The following RFX4 variants were observed in gnomAD, a reference collection of about 807,000 sequenced individuals.
RFX4 encodes the protein regulatory factor X4.
A neutral mutation model predicts 95.0 loss-of-function variants in RFX4; 10 were observed. That is an observed-to-expected ratio of 0.11 (90% CI 0.06 to 0.18). The LOEUF (loss-of-function observed/expected upper bound fraction) is 0.18. RFX4 is among the 10% of genes least tolerant of loss of function. RFX4 has a pLI of 1.00. For synonymous variants in RFX4, 321 were observed against 340.7 expected, an observed-to-expected ratio of 0.94 and a Z score of 0.64; for missense variants, 640 against 922.0, an observed-to-expected ratio of 0.69 and a Z score of 3.96.
At chr12:106,641,068 AC>A (rs906751291) in intron 3 of RFX4, among the ~76,000 whole-genome samples, 1 of 152,186 alleles carries the variant, frequency 6.6e-6, no homozygotes, top group African/African-American at 2.4e-5. Context: ...GGTGTAAGCC[AC>A]CATGCCTGGC....
intron 4 of RFX4, among the ~76,000 whole-genome samples, chr12:106,665,773 TATA>T (rs2041162925): frequency 6.6e-6 from 1 of 151,666 alleles, no homozygotes; most frequent in African/African-American, 2.4e-5. Context: ...GCGAGCACCT[TATA>T]ATGAGAAAAT....
At chr12:106,665,013 C>T (rs927837175) in intron 4 of RFX4, among the ~76,000 whole-genome samples, 10 of 151,836 alleles carry the variant, frequency 6.6e-5, no homozygotes, top group Non-Finnish European at 1.5e-4. Context: ...CTATTAATGT[C>T]AATTATATTT....
intron 13 of RFX4, among the ~76,000 whole-genome samples, chr12:106,724,885 G>A (rs749895085): frequency 9.9e-5 from 15 of 151,852 alleles, no homozygotes; most frequent in Non-Finnish European, 2.1e-4. Flanking sequence ...GGTGGCGGGT[G>A]CCTATAATCT....
At chr12:106,640,056 G>T (rs1278421481) in intron 3 of RFX4, among the ~76,000 whole-genome samples, 1 of 152,172 alleles carries the variant, frequency 6.6e-6, no homozygotes. Flanking sequence ...AGGAATGACG[G>T]GGAAGGAAAG....
intron 3 of RFX4, 56 bp from the exon 4 acceptor site, chr12:106,654,172 G>A (rs765337663): frequency 1.5e-5 from 24 of 1,611,132 alleles, no homozygotes; most frequent in Admixed American, 8.3e-5. Context: ...AGAACAGACC[G>A]TTCTTGCTTG....
chr12:106,632,937 C>A lies in RFX4; in HGVS notation c.131-6395C>A, dbSNP rs79648500. ...ATTTAATTGGCTGATAATTTATGGC[C>A]TCAAGAGAGCAGTGACTACGTCTGT... On this transcript the variant is annotated intron_variant, in intron 2 of 17. Transcript: ENST00000392842. 6.5e-3 allele frequency among the ~76,000 whole-genome samples: 986 copies of A among 152,314 alleles called. 14 individuals are homozygous for A. The highest frequency in any genetic ancestry group is 0.023 in the African/African-American group (956 of 41,566).
intron 3 of RFX4, chr12:106,646,013 CTT>C: frequency 8.5e-7 from 1 of 1,170,170 alleles, no homozygotes; most frequent in Non-Finnish European, 1.1e-6. Flanking sequence ...GGAACCACAA[CTT>C]TTTTTAAAAA....
intron 4 of RFX4, among the ~76,000 whole-genome samples, chr12:106,664,382 A>G (rs1274486913): frequency 6.6e-6 from 1 of 151,760 alleles, no homozygotes; most frequent in Non-Finnish European, 1.5e-5. Flanking sequence ...TATAATGTCT[A>G]TAAGATCTGT....
At chr12:106,665,187 TTAAGAATC>T (rs1170522900) in intron 4 of RFX4, among the ~76,000 whole-genome samples, 1 of 151,954 alleles carries the variant, frequency 6.6e-6, no homozygotes, top group Non-Finnish European at 1.5e-5. Context: ...CACATGTATA[TTAAGAATC>T]ATTGTGTCTT....
chr12:106,726,803 A>G, intron 13 of RFX4, among the ~76,000 whole-genome samples: 1 of 152,094 alleles, frequency 6.6e-6, no homozygotes, highest in Non-Finnish European at 1.5e-5. Flanking sequence ...ACAGAGTCTC[A>G]CTCTGTTATC....
At chr12:106,641,749 T>C (rs2040627150) in intron 3 of RFX4, among the ~76,000 whole-genome samples, 1 of 152,154 alleles carries the variant, frequency 6.6e-6, no homozygotes, top group African/African-American at 2.4e-5. Flanking sequence ...CAAAGAACAT[T>C]AACGTTTGCT....
rs1179040441 is a variant in RFX4 at position 106,736,380 on chromosome 12, A to C, written c.1633+3295A>C. On this transcript the variant is annotated intron_variant, in intron 15 of 17. Transcript: ENST00000392842. The stretch of plus-strand genomic sequence containing the variant: ...GGTCCTGCTGCAGACCCAATGAATC[A>C]GAAACTCTAGGAGCAGAGCCCAGGA... Among the ~76,000 whole-genome samples the C allele has an allele frequency of 2.0e-5, 3 of 152,214 alleles. No homozygotes were observed. In the East Asian group the frequency reaches 5.8e-4, roughly 29 times the overall value.
chr12:106,684,217 A>C (rs936998075), intron 5 of RFX4, among the ~76,000 whole-genome samples: 1 of 152,134 alleles, frequency 6.6e-6, no homozygotes, highest in Non-Finnish European at 1.5e-5. Context: ...AAATACAAAA[A>C]TTAGCCGGGC....
chr12:106,608,490 G>C (rs981538877), intron 1 of RFX4, among the ~76,000 whole-genome samples: 1 of 152,220 alleles, frequency 6.6e-6, no homozygotes, highest in African/African-American at 2.4e-5. Context: ...TGCTCAGAAA[G>C]ATAATCCTCA....
intron 2 of RFX4, among the ~76,000 whole-genome samples, chr12:106,635,853 A>T (rs966664649): frequency 2.8e-4 from 42 of 152,316 alleles, no homozygotes; most frequent in African/African-American, 1.0e-3. Context: ...TTTCCCTCAG[A>T]GATATAAGGA....
intron 13 of RFX4, among the ~76,000 whole-genome samples, chr12:106,722,380 C>T (rs2042412742): frequency 6.6e-6 from 1 of 152,162 alleles, no homozygotes; most frequent in Admixed American, 6.5e-5. Context: ...GTAGCAGGTG[C>T]CTTTCATTAG....
intron 2 of RFX4, among the ~76,000 whole-genome samples, chr12:106,615,010 G>A (rs759651149): frequency 2.0e-5 from 3 of 151,936 alleles, no homozygotes; most frequent in African/African-American, 7.3e-5. Context: ...TTTAATTAAT[G>A]TTTTTCTTTT....
In RFX4 at chr12:106,717,174, T is replaced by A. The variant is rs1013186788; in HGVS notation, c.1138+1630T>A. Among the ~76,000 whole-genome samples the A allele has an allele frequency of 3.3e-5, 5 of 152,066 alleles. No homozygotes were observed. The East Asian group carries it at 9.6e-4, about 29-fold the overall frequency. On this transcript the variant is annotated intron_variant, in intron 11 of 17. Coordinates refer to ENST00000392842, the MANE Select transcript of RFX4 (RefSeq NM_213594.3). Reference sequence around the variant, plus strand: ...GCACTGGGGGTACCTTTGATCACTGTGCCCCTAGGAACTCCCAATGGGCCA... The same window carrying A: ...GCACTGGGGGTACCTTTGATCACTGAGCCCCTAGGAACTCCCAATGGGCCA...
At chr12:106,744,871 A>C (rs2042864678) in intron 15 of RFX4, among the ~76,000 whole-genome samples, 1 of 152,202 alleles carries the variant, frequency 6.6e-6, no homozygotes, top group African/African-American at 2.4e-5. Flanking sequence ...AGTGTTGACA[A>C]AAGGAACCGT....
Sources: gnomAD v4.1 joint callset for allele counts (sites outside exome capture counted in the v4.1 genomes callset) on GRCh38, gnomAD v4.1.1 for gene constraint, MANE v1.5 for transcripts, NCBI Gene and HGNC (gene_info 2026-07-23, HGNC 2026-07-21) for gene names.